CDYL: variants seen among roughly 807,000 people sequenced by gnomAD.
The protein encoded by CDYL is chromodomain Y-like protein.
Under a neutral mutation model 47.3 loss-of-function variants are expected in CDYL, and 8 were observed. That is an observed-to-expected ratio of 0.17 (90% CI 0.10 to 0.31). CDYL has a LOEUF of 0.31. CDYL is among the 10% of genes least tolerant of loss of function. The pLI is 1.00. For synonymous variants in CDYL, 266 were observed against 265.0 expected (o/e 1.00, Z -0.04); for missense variants, 471 against 701.4 (o/e 0.67, Z 3.71).
chr6:4,752,306 G>C (rs1758008638), intron 3 of CDYL, among the ~76,000 whole-genome samples: 1 of 152,130 alleles, frequency 6.6e-6, no homozygotes, highest in Non-Finnish European at 1.5e-5. Context: ...GGGCAATGAG[G>C]GGGTTGTGAG....
At chr6:4,892,464 A>G (rs1762078377) in intron 2 of CDYL, 85 bp downstream of exon 2, 1 of 1,407,666 alleles carries the variant, frequency 7.1e-7, no homozygotes, top group Non-Finnish European at 9.5e-7. Context: ...TGAGCTGGGC[A>G]GAGTCCGGGG....
At chr6:4,730,809 T>C (rs974279917) in intron 2 of CDYL, among the ~76,000 whole-genome samples, 8 of 151,566 alleles carry the variant, frequency 5.3e-5, no homozygotes, top group South Asian at 2.1e-4. Flanking sequence ...TCGCCTGACA[T>C]AGCTCTTTAC....
At chr6:4,923,884 G>C (rs1185548496) in intron 2 of CDYL, among the ~76,000 whole-genome samples, 2 of 128,768 alleles carry the variant, frequency 1.6e-5, no homozygotes, top group Non-Finnish European at 3.1e-5. Context: ...CTGGGTGACA[G>C]AGTGAGACTC....
intron 1 of CDYL, among the ~76,000 whole-genome samples, chr6:4,789,229 C>T (rs1035948620): frequency 1.3e-5 from 2 of 152,124 alleles, no homozygotes; most frequent in Admixed American, 6.5e-5. Flanking sequence ...GTGTGCACCA[C>T]CGTGCCTGGC....
intron 2 of CDYL, among the ~76,000 whole-genome samples, chr6:4,907,869 G>T (rs1757287579): frequency 6.6e-6 from 1 of 152,128 alleles, no homozygotes; most frequent in African/African-American, 2.4e-5. Flanking sequence ...GGTGTGTTCA[G>T]TTAGATGCTC....
intron 3 of CDYL, among the ~76,000 whole-genome samples, chr6:4,750,843 CT>C (rs990785870): frequency 6.7e-6 from 1 of 148,288 alleles, no homozygotes; most frequent in African/African-American, 2.5e-5. Context: ...ATACTCTTTT[CT>C]TTTTTCTTTT....
intron 1 of CDYL, among the ~76,000 whole-genome samples, chr6:4,861,874 G>T (rs777188803): frequency 6.6e-6 from 1 of 152,144 alleles, no homozygotes; most frequent in Non-Finnish European, 1.5e-5. Context: ...GTTATGATGC[G>T]CATGGATCTG....
At chr6:4,856,583 G>T (rs570796472) in intron 1 of CDYL, among the ~76,000 whole-genome samples, 1 of 152,190 alleles carries the variant, frequency 6.6e-6, no homozygotes, top group Non-Finnish European at 1.5e-5. Flanking sequence ...GACAGTCGGG[G>T]CCAGAACAAT....
At chr6:4,750,723 G>A (rs938259964) in intron 3 of CDYL, among the ~76,000 whole-genome samples, 1 of 151,962 alleles carries the variant, frequency 6.6e-6, no homozygotes, top group Non-Finnish European at 1.5e-5. Flanking sequence ...AAAAATTAAA[G>A]ATTCTGTACA....
chr6:4,831,182 G>C (rs563509642), intron 1 of CDYL, among the ~76,000 whole-genome samples: 1 of 152,284 alleles, frequency 6.6e-6, no homozygotes, highest in African/African-American at 2.4e-5. Context: ...TTAATGCCTA[G>C]GTTTTCTTCT....
chr6:4,724,738 G>GCT (rs1757466546), intron 2 of CDYL: 1 of 152,208 alleles, frequency 6.6e-6, no homozygotes, highest in Non-Finnish European at 1.5e-5. Flanking sequence ...GGTCTCACTG[G>GCT]CTTCAGGAGT....
intron 2 of CDYL, among the ~76,000 whole-genome samples, chr6:4,910,213 C>T (rs1259035002): frequency 6.6e-6 from 1 of 152,102 alleles, no homozygotes; most frequent in African/African-American, 2.4e-5. Context: ...GGAAGTTAGG[C>T]AGCACATATG....
At chr6:4,826,433 G>A (rs115388001) in intron 1 of CDYL, among the ~76,000 whole-genome samples, 3,327 of 152,178 alleles carry the variant, frequency 0.022, 123 homozygotes, top group African/African-American at 0.076. Flanking sequence ...TCCTTAAGGT[G>A]TAAAGTTAGG....
intron 1 of CDYL, among the ~76,000 whole-genome samples, chr6:4,707,931 A>G (rs116312148): frequency 2.6e-5 from 4 of 152,096 alleles, no homozygotes; most frequent in African/African-American, 9.7e-5. Context: ...AATGTTATTT[A>G]ATAGTGTGCT....
intron 2 of CDYL, among the ~76,000 whole-genome samples, chr6:4,921,055 C>T (rs1181529052): frequency 6.6e-5 from 10 of 151,972 alleles, no homozygotes; most frequent in Non-Finnish European, 1.3e-4. Context: ...TGATACATCC[C>T]TGAGCCATTC....
chr6:4,943,385 A>T (rs1188993553), intron 4 of CDYL, among the ~76,000 whole-genome samples, 161 bp from the exon 5 acceptor site: 4 of 152,158 alleles, frequency 2.6e-5, no homozygotes, highest in Non-Finnish European at 5.9e-5. Context: ...CGTAGTAAAT[A>T]AGTCTAGGGT....
At chr6:4,883,714 A>G (rs1457248127) in intron 1 of CDYL, among the ~76,000 whole-genome samples, 3 of 152,214 alleles carry the variant, frequency 2.0e-5, no homozygotes, top group Admixed American at 2.0e-4. Context: ...CTATGCCCCT[A>G]TGATGCAGGG....
At chr6:4,735,118 C>G (rs1364482590) in intron 3 of CDYL, among the ~76,000 whole-genome samples, 2 of 152,006 alleles carry the variant, frequency 1.3e-5, no homozygotes. Context: ...GAAACCCCGT[C>G]TCTACTAAAA....
intron 1 of CDYL, among the ~76,000 whole-genome samples, chr6:4,855,211 C>A (rs1760970996): frequency 1.3e-5 from 2 of 152,132 alleles, no homozygotes; most frequent in African/African-American, 4.8e-5. Context: ...CAGTATTTAA[C>A]CCTTTGAAGT....
Sources: allele counts gnomAD v4.1 joint callset (sites outside exome capture counted in the v4.1 genomes callset), GRCh38; gene constraint gnomAD v4.1.1; transcripts MANE v1.5; gene names NCBI Gene and HGNC (gene_info 2026-07-23, HGNC 2026-07-21).